NPNT: variants seen among roughly 807,000 people sequenced by gnomAD.
NPNT encodes the protein nephronectin, also known as preosteoblast EGF-like repeat protein with MAM domain.
Under a neutral mutation model 68.6 loss-of-function variants are expected in NPNT, and 45 were observed. The ratio of observed to expected loss-of-function variants is 0.66; its 90% CI spans 0.52 to 0.84. The LOEUF is 0.84. NPNT is among the 40% of genes least tolerant of loss of function. The pLI, the probability that NPNT is intolerant of heterozygous loss-of-function variation, is 0.00. For missense variants in NPNT, 672 were observed against 714.8 expected, an observed-to-expected ratio of 0.94 and a Z score of 0.68; for synonymous variants, 233 against 253.3, an observed-to-expected ratio of 0.92 and a Z score of 0.76.
intron 2 of NPNT, among the ~76,000 whole-genome samples, chr4:105,906,638 A>G (rs535766897): frequency 6.6e-6 from 1 of 152,320 alleles, no homozygotes; most frequent in South Asian, 2.1e-4. Context: ...GTATTATTTA[A>G]CAGATTAAAG....
chr4:105,931,795 G>C (rs536508640), intron 3 of NPNT, among the ~76,000 whole-genome samples: 4 of 151,906 alleles, frequency 2.6e-5, no homozygotes, highest in African/African-American at 4.8e-5. Context: ...AGCCAAGATC[G>C]AGCGGCTGCA....
At chr4:105,907,342 A>C (rs1248564710) in intron 2 of NPNT, among the ~76,000 whole-genome samples, 1 of 152,174 alleles carries the variant, frequency 6.6e-6, no homozygotes. Context: ...ATTATGACTC[A>C]ATGCATATTC....
rs971740225 is a variant in NPNT at position 105,940,390 on chromosome 4, A to G, written c.641-124A>G. On this transcript the variant is annotated intron_variant, in intron 6 of 11. Transcript: ENST00000379987. ...TACATGTAGTTTATTTCTTCTGTTT[A>G]TCTGCCAATATTATGTAGATCATCA... 2.8e-6 allele frequency: 3 copies of G among 1,084,784 alleles called. No individual in the cohort carries two copies. In the African/African-American group the frequency reaches 4.7e-5, roughly 17 times the overall value. The allele number at this position is 1,084,784 out of a possible 1,614,324, so 67.2% of individuals were successfully genotyped here.
rs189983275 is a variant in NPNT, at chr4:105,961,332, C to A, written c.1345+2206C>A. Among the ~76,000 whole-genome samples the A allele has an allele frequency of 2.6e-5, 4 of 152,108 alleles. No homozygotes were observed. The South Asian group carries it at 8.3e-4, about 32-fold the overall frequency. ...GTAGATTAGACTGACTGACCACTGA[C>A]CTGGAGTAGTTTGCTACAGAAGGAG... On this transcript the variant is annotated intron_variant, in intron 10 of 11. Transcript: ENST00000379987.
chr4:105,904,804 C>T (rs1192023603), intron 2 of NPNT, among the ~76,000 whole-genome samples: 2 of 151,982 alleles, frequency 1.3e-5, no homozygotes, highest in African/African-American at 4.8e-5. Context: ...CTCACTCTCT[C>T]TCGAGTAGTT....
intron 1 of NPNT, among the ~76,000 whole-genome samples, chr4:105,897,431 C>A (rs1006451019): frequency 9.2e-5 from 14 of 152,176 alleles, no homozygotes; most frequent in Admixed American, 3.9e-4. Context: ...GCTCCTTCCC[C>A]CATCCACCTT....
intron 8 of NPNT, among the ~76,000 whole-genome samples, chr4:105,945,505 C>G (rs895982739): frequency 1.3e-5 from 2 of 152,178 alleles, no homozygotes; most frequent in African/African-American, 4.8e-5. Context: ...AATGGGACCT[C>G]TATCACCTGT....
Position 105,966,284 on chromosome 4 carries a change from TTCTC to T in NPNT, c.1346-898_1346-895del, listed in dbSNP as rs753265278. ...AAGTTTCAAAATACTACTTGCAACT[TTCTC>T]TCTCTTGAGAAGCAGCACCCCCCAC... On this transcript the variant is annotated intron_variant, in intron 10 of 11. Transcript: ENST00000379987. Among the ~76,000 whole-genome samples, 10 of 152,330 alleles carry T rather than the reference TTCTC, an allele frequency of 6.6e-5. No individual in the cohort carries two copies. The East Asian group carries it at 1.4e-3, about 21-fold the overall frequency.
In NPNT at chr4:105,940,656, C is replaced by T. The variant is rs767282201; in HGVS notation, c.763+20C>T. 6.8e-6 allele frequency: 11 copies of T among 1,608,856 alleles called. No individual in the cohort carries two copies. The highest frequency in any genetic ancestry group is 9.3e-6 in the Non-Finnish European group (11 of 1,176,782). ...GTGTGTGTGAGTAGCACTTGTCTCTCAGCTTTAAATTCTAGCAGGAAATAC... is the reference window on the plus strand; with the variant it reads ...GTGTGTGTGAGTAGCACTTGTCTCTTAGCTTTAAATTCTAGCAGGAAATAC... On this transcript the variant is annotated intron_variant, in intron 7 of 11. Coordinates refer to ENST00000379987, the MANE Select transcript of NPNT (RefSeq NM_001033047.3).
At chr4:105,938,682 A>G (rs971058512) in intron 5 of NPNT, among the ~76,000 whole-genome samples, 1 of 152,226 alleles carries the variant, frequency 6.6e-6, no homozygotes, top group African/African-American at 2.4e-5. Context: ...GAGGAGCACA[A>G]TGTTTAGGGA....
At chr4:105,949,751 T>G (rs540695544) in intron 8 of NPNT, among the ~76,000 whole-genome samples, 3 of 152,316 alleles carry the variant, frequency 2.0e-5, no homozygotes, top group Non-Finnish European at 4.4e-5. Context: ...TTAATAATTT[T>G]GGAAAATACC....
Position 105,971,153 on chromosome 4 carries a change from G to A in NPNT, c.*2163G>A, listed in dbSNP as rs981762726. On this transcript the variant is annotated 3_prime_UTR_variant, in exon 12 of 12. Transcript: ENST00000379987. The stretch of plus-strand genomic sequence containing the variant: ...ACACAGTTCAGAGAGATTTTCATCG[G>A]GTGCATTCTCTCTGCTTCGTGTGTG... 4.4e-6 allele frequency: 2 copies of A among 455,482 alleles called. No homozygotes were observed. Among genetic ancestry groups the A allele is most frequent in the East Asian group, 1.4e-4 (2 of 14,386 alleles). The allele number at this position is 455,482 out of a possible 1,614,324, so 28.2% of individuals were successfully genotyped here.
At chr4:105,932,020 T>A (rs1331943128) in intron 3 of NPNT, among the ~76,000 whole-genome samples, 1 of 152,178 alleles carries the variant, frequency 6.6e-6, no homozygotes, top group African/African-American at 2.4e-5. Flanking sequence ...ACAGTTAACA[T>A]TTTTTTGCAT....
At chr4:105,930,060 C>G (rs1458698820) in intron 3 of NPNT, among the ~76,000 whole-genome samples, 1 of 152,152 alleles carries the variant, frequency 6.6e-6, no homozygotes, top group Non-Finnish European at 1.5e-5. Context: ...AATGTAATTT[C>G]AAGTCCAGTT....
At chr4:105,927,535 A>G (rs1196149048) in intron 3 of NPNT, 107 bp downstream of exon 3, 1 of 539,260 alleles carries the variant, frequency 1.9e-6, no homozygotes, top group Non-Finnish European at 3.3e-6. Context: ...TTTCCAAAAT[A>G]TGTGAGCTGC....
At chr4:105,941,388 C>T (rs2149375391) in intron 7 of NPNT, among the ~76,000 whole-genome samples, 1 of 152,154 alleles carries the variant, frequency 6.6e-6, no homozygotes, top group South Asian at 2.1e-4. Flanking sequence ...ATTTCCTCTA[C>T]ATTCAGAACT....
At chr4:105,940,277 T>A in intron 6 of NPNT, 68 bp downstream of exon 6, 6 of 1,508,120 alleles carry the variant, frequency 4.0e-6, no homozygotes, top group Non-Finnish European at 5.5e-6. Context: ...GTAATTGTGG[T>A]GATGGCTGGA....
chr4:105,927,387 G>A lies in NPNT; in HGVS notation c.224G>A (p.Cys75Tyr). ...KHGECIGPNK[C>Y]KCHPGYAGKT... ...GGTGAATGTATCGGGCCAAACAAGTGCAAGTGTCATCCTGGTTATGCTGGA... is the reference window on the plus strand; with the variant it reads ...GGTGAATGTATCGGGCCAAACAAGTACAAGTGTCATCCTGGTTATGCTGGA... The change falls in exon 3 of 12, where the codon TGC (cysteine) becomes TAC (tyrosine). Residue 75 changes from cysteine (C) to tyrosine (Y), a missense_variant. By Grantham distance (194) the Cys-to-Tyr change is radical. Coordinates refer to ENST00000379987, the MANE Select transcript of NPNT (RefSeq NM_001033047.3). The A allele has an allele frequency of 1.2e-6, 2 of 1,612,972 alleles. No homozygotes were observed. The highest frequency in any genetic ancestry group is 1.7e-6 in the Non-Finnish European group (2 of 1,179,310).
intron 2 of NPNT, among the ~76,000 whole-genome samples, chr4:105,910,030 A>T (rs149966443): frequency 1.6e-3 from 237 of 152,242 alleles, no homozygotes; most frequent in African/African-American, 5.4e-3. Context: ...ACAGTAAATG[A>T]AACTATACAT....
Sources: allele counts gnomAD v4.1 joint callset (sites outside exome capture counted in the v4.1 genomes callset), GRCh38; gene constraint gnomAD v4.1.1; transcripts MANE v1.5; gene names NCBI Gene and HGNC (gene_info 2026-07-23, HGNC 2026-07-21).